The following RAB3B variants were observed in gnomAD, a reference collection of about 807,000 sequenced individuals.
The protein encoded by RAB3B is RAB3B, member RAS oncogene family, also known as ras-related protein Rab-3B.
RAB3B carries 11 observed loss-of-function variants against 20.5 expected under a neutral mutation model. The ratio of observed to expected loss-of-function variants is 0.54; its 90% CI spans 0.34 to 0.89. The LOEUF is 0.89. Among genes scored for constraint, RAB3B ranks in the 40% least tolerant of loss-of-function variants. The pLI, the probability that RAB3B is intolerant of heterozygous loss-of-function variation, is 0.02. For missense variants in RAB3B, 225 were observed against 280.9 expected (o/e 0.80, Z 1.42); for synonymous variants, 99 against 106.3 (o/e 0.93, Z 0.42).
At position 51,919,052 on chromosome 1, in the gene RAB3B, C is replaced by T. The variant is rs1419454467; in HGVS notation, c.*875G>A. On this transcript the variant is annotated 3_prime_UTR_variant, in exon 5 of 5. Transcript: ENST00000371655. ...ACTGCGGACTGCAGTGGCGCAATCT[C>T]GGCTCACTGCAAGCTCCGCTTCCCG... 6.7e-6 allele frequency: 1 copy of T among 149,950 alleles called. No homozygotes were observed. The highest frequency in any genetic ancestry group is 6.6e-5 in the Admixed American group (1 of 15,040). 9.3% of individuals were successfully genotyped at this position (149,950 alleles called of 1,614,324 possible).
chr1:51,979,341 G>T (rs1430945038), intron 1 of RAB3B, among the ~76,000 whole-genome samples: 1 of 151,272 alleles, frequency 6.6e-6, no homozygotes, highest in Non-Finnish European at 1.5e-5. Flanking sequence ...TGCAGCCTTG[G>T]CTCACTGCAA....
In RAB3B at chr1:51,909,343, T is replaced by C. The variant is rs755210281; in HGVS notation, c.*10584A>G. 1 of 152,216 alleles carries C rather than the reference T, an allele frequency of 6.6e-6. No individual in the cohort carries two copies. Among genetic ancestry groups the C allele is most frequent in the Non-Finnish European group, 1.5e-5 (1 of 68,030 alleles). 9.4% of individuals were successfully genotyped at this position (152,216 alleles called of 1,614,324 possible). A position where few individuals can be genotyped will look rare whatever the true frequency, so the allele number is the denominator to read the frequency against. ...CTTAAATGTCCACAGCATTTCACTT[T>C]CTAAAATGTACTTTTATTTGACTCT... On this transcript the variant is annotated 3_prime_UTR_variant, in exon 5 of 5. Coordinates refer to ENST00000371655, the MANE Select transcript of RAB3B (RefSeq NM_002867.4).
intron 2 of RAB3B, among the ~76,000 whole-genome samples, chr1:51,959,116 AG>A (rs1407465581): frequency 6.6e-6 from 1 of 152,158 alleles, no homozygotes; most frequent in Non-Finnish European, 1.5e-5. Flanking sequence ...AAAGTTAAGG[AG>A]GGTCCTTAAC....
intron 2 of RAB3B, among the ~76,000 whole-genome samples, chr1:51,941,407 G>A (rs905701033): frequency 6.6e-6 from 1 of 152,194 alleles, no homozygotes; most frequent in African/African-American, 2.4e-5. Flanking sequence ...GGACTGGAAG[G>A]AGAAGAGATA....
intron 1 of RAB3B, among the ~76,000 whole-genome samples, chr1:51,986,146 ATTTTT>A (rs11308826): frequency 4.5e-5 from 4 of 89,270 alleles, no homozygotes; most frequent in Admixed American, 1.3e-4. Context: ...ATTTCTACGA[ATTTTT>A]TTTTTTTTTT....
At chr1:51,964,356 T>C (rs969665072) in intron 2 of RAB3B, among the ~76,000 whole-genome samples, 10 of 152,100 alleles carry the variant, frequency 6.6e-5, no homozygotes, top group Admixed American at 2.0e-4. Context: ...TCAGTCTCCT[T>C]TCCCGATTCT....
chr1:51,946,042 A>AT (rs1684560211), intron 2 of RAB3B, among the ~76,000 whole-genome samples: 1 of 152,228 alleles, frequency 6.6e-6, no homozygotes, highest in Admixed American at 6.5e-5. Flanking sequence ...AGTATTTATT[A>AT]TTTAACTTTT....
At position 51,937,363 on chromosome 1, in the gene RAB3B, C is replaced by T. The variant is rs780707615; in HGVS notation, c.278G>A (p.Arg93His). ...CATCAGAATGAAGCCCATGGCCCCA[C>T]GGTAATAGGCTGTTGTGATGGTCCG... ...RYRTITTAYYRGAMGFILMYD... is the reference protein window; with the variant it reads ...RYRTITTAYYHGAMGFILMYD... Residue 93 changes from arginine to histidine, a missense_variant, in exon 3 of 5, where the codon CGT becomes CAT. Coordinates refer to ENST00000371655, the MANE Select transcript of RAB3B (RefSeq NM_002867.4). The T allele has an allele frequency of 1.7e-5, 28 of 1,613,298 alleles. No individual in the cohort carries two copies. The African/African-American group carries it at 2.4e-4, about 14-fold the overall frequency.
At chr1:51,922,708 T>C (rs1046999131) in intron 4 of RAB3B, among the ~76,000 whole-genome samples, 8 of 152,030 alleles carry the variant, frequency 5.3e-5, no homozygotes, top group African/African-American at 1.7e-4. Flanking sequence ...ATTTATTTAT[T>C]TTTTGAGAGA....
At chr1:51,923,285 G>A (rs1446789272) in intron 4 of RAB3B, among the ~76,000 whole-genome samples, 3 of 152,170 alleles carry the variant, frequency 2.0e-5, no homozygotes, top group Non-Finnish European at 4.4e-5. Flanking sequence ...AGTTGGAACA[G>A]CAACAGAACA....
intron 4 of RAB3B, among the ~76,000 whole-genome samples, chr1:51,928,081 A>G (rs1356389203): frequency 6.6e-6 from 1 of 152,116 alleles, no homozygotes; most frequent in Non-Finnish European, 1.5e-5. Context: ...CTTTGAGGAT[A>G]TGGAAGGCCA....
chr1:51,974,434 T>C (rs1283003048), intron 2 of RAB3B, among the ~76,000 whole-genome samples: 1 of 152,190 alleles, frequency 6.6e-6, no homozygotes, highest in African/African-American at 2.4e-5. Flanking sequence ...AAATTTGCAT[T>C]TCTAACAAAT....
intron 3 of RAB3B, among the ~76,000 whole-genome samples, chr1:51,936,307 G>A (rs540593322): frequency 1.3e-5 from 2 of 152,282 alleles, no homozygotes; most frequent in African/African-American, 4.8e-5. Flanking sequence ...AAAGCTATAA[G>A]TTGCTCAGAG....
chr1:51,933,193 T>G (rs1230714482), intron 4 of RAB3B, 125 bp downstream of exon 4: 22 of 1,022,410 alleles, frequency 2.2e-5, no homozygotes, highest in Non-Finnish European at 2.8e-5. Context: ...ACAGATCACA[T>G]AGGTACATAA....
chr1:51,972,820 T>G (rs190203050), intron 2 of RAB3B, among the ~76,000 whole-genome samples: 1 of 152,216 alleles, frequency 6.6e-6, no homozygotes, highest in Non-Finnish European at 1.5e-5. Context: ...TATTTTGTTA[T>G]GGCAGCCAGA....
chr1:51,952,131 C>T (rs1286541714), intron 2 of RAB3B, among the ~76,000 whole-genome samples: 2 of 152,318 alleles, frequency 1.3e-5, no homozygotes, highest in South Asian at 4.1e-4. Context: ...ATTAATTCCA[C>T]ATATATTCAC....
At chr1:51,942,829 G>A (rs1027445174) in intron 2 of RAB3B, among the ~76,000 whole-genome samples, 7 of 152,076 alleles carry the variant, frequency 4.6e-5, no homozygotes, top group Non-Finnish European at 7.4e-5. Flanking sequence ...TCATGTCTCT[G>A]TGTCACATTT....
intron 2 of RAB3B, among the ~76,000 whole-genome samples, chr1:51,963,701 A>C (rs1031798333): frequency 1.3e-5 from 2 of 152,048 alleles, no homozygotes; most frequent in Admixed American, 6.6e-5. Flanking sequence ...ACCTTGCTTC[A>C]TCAGAAAATT....
chr1:51,955,615 G>T (rs140885907), intron 2 of RAB3B, among the ~76,000 whole-genome samples: 2 of 152,060 alleles, frequency 1.3e-5, no homozygotes, highest in African/African-American at 4.8e-5. Context: ...GGCCAGGCTG[G>T]TCTCAAACTC....
Sources: allele counts gnomAD v4.1 joint callset (sites outside exome capture counted in the v4.1 genomes callset), GRCh38; gene constraint gnomAD v4.1.1; transcripts MANE v1.5; gene names NCBI Gene and HGNC (gene_info 2026-07-23, HGNC 2026-07-21).